Variants in VEPH1 observed in about 807,000 individuals in gnomAD.
VEPH1 encodes ventricular zone expressed PH domain containing 1.
VEPH1 carries 80 observed loss-of-function variants against 85.2 expected under a neutral mutation model. That is an observed-to-expected ratio of 0.94 (90% CI 0.78 to 1.13). The LOEUF is 1.13. VEPH1 is among the 50% of genes most tolerant of loss of function. The pLI, the probability that VEPH1 is intolerant of heterozygous loss-of-function variation, is 0.00. For synonymous variants in VEPH1, 297 were observed against 348.0 expected (o/e 0.85, Z 1.63); for missense variants, 955 against 980.5 (o/e 0.97, Z 0.35).
At chr3:157,461,372 C>T (rs191278656) in intron 3 of VEPH1, among the ~76,000 whole-genome samples, 7 of 152,094 alleles carry the variant, frequency 4.6e-5, no homozygotes, top group Non-Finnish European at 1.0e-4. Context: ...GAAAAAAAAA[C>T]TGTGCAGTGC....
At chr3:157,261,868 A>G (rs1712950157) in intron 13 of VEPH1, among the ~76,000 whole-genome samples, 1 of 152,202 alleles carries the variant, frequency 6.6e-6, no homozygotes, top group Non-Finnish European at 1.5e-5. Flanking sequence ...CTTTGTCTAC[A>G]AACAGTAAGA....
chr3:157,474,208 T>C (rs1737231704), intron 2 of VEPH1, among the ~76,000 whole-genome samples: 1 of 152,168 alleles, frequency 6.6e-6, no homozygotes, highest in African/African-American at 2.4e-5. Flanking sequence ...AATGTGTCTA[T>C]CTGCTTTTAC....
intron 10 of VEPH1, chr3:157,315,755 A>G (rs1035677577): frequency 6.6e-6 from 1 of 152,054 alleles, no homozygotes; most frequent in Non-Finnish European, 1.5e-5. Context: ...GACAAAATCA[A>G]TAAAATAATA....
intron 9 of VEPH1, among the ~76,000 whole-genome samples, chr3:157,358,714 ATAAT>A (rs1487722327): frequency 6.6e-6 from 1 of 152,172 alleles, no homozygotes; most frequent in Non-Finnish European, 1.5e-5. Context: ...ATTGATATTA[ATAAT>A]TAATCTCATT....
At chr3:157,478,190 T>C (rs550488492) in intron 2 of VEPH1, among the ~76,000 whole-genome samples, 21 of 152,178 alleles carry the variant, frequency 1.4e-4, no homozygotes, top group Non-Finnish European at 2.5e-4. Flanking sequence ...CATGGAGATA[T>C]GAAGGCCTGG....
intron 4 of VEPH1, chr3:157,437,625 G>T (rs1420599191): frequency 1.3e-6 from 2 of 1,557,932 alleles, no homozygotes; most frequent in Non-Finnish European, 8.7e-7. Context: ...ACGACGTCCT[G>T]CGGGGCGAGC....
intron 5 of VEPH1, among the ~76,000 whole-genome samples, chr3:157,427,160 G>C (rs555278571): frequency 6.6e-6 from 1 of 151,830 alleles, no homozygotes; most frequent in African/African-American, 2.4e-5. Context: ...GCTAGCTTTT[G>C]TATTTTTAGT....
intron 9 of VEPH1, among the ~76,000 whole-genome samples, chr3:157,334,064 A>C (rs1225732608): frequency 6.6e-6 from 1 of 152,160 alleles, no homozygotes; most frequent in Admixed American, 6.5e-5. Context: ...ACCTCCACAT[A>C]GTGTATATCA....
At position 157,459,554 on chromosome 3, in the gene VEPH1, T is replaced by C; in HGVS notation, c.529+627A>G. The stretch of plus-strand genomic sequence containing the variant: ...TTAATATCATGTATTGTTCTCTGAC[T>C]TCAAGTTCAAAAACATGTTTTTTGA... On this transcript the variant is annotated intron_variant, in intron 4 of 13. Coordinates refer to ENST00000362010, the MANE Select transcript of VEPH1 (RefSeq NM_001167912.2). 3 of 1,063,518 alleles carry C rather than the reference T, an allele frequency of 2.8e-6. No homozygotes were observed. The South Asian group carries it at 8.0e-5, about 28-fold the overall frequency. The allele number at this position is 1,063,518 out of a possible 1,614,324, so 65.9% of individuals were successfully genotyped here. A position where few individuals can be genotyped will look rare whatever the true frequency, so the allele number is the denominator to read the frequency against.
At chr3:157,306,647 A>AAG (rs1719542790) in intron 11 of VEPH1, among the ~76,000 whole-genome samples, 1 of 152,078 alleles carries the variant, frequency 6.6e-6, no homozygotes, top group African/African-American at 2.4e-5. Context: ...GCACATATGT[A>AAG]AGAGTTCATC....
At position 157,318,434 on chromosome 3, in the gene VEPH1, C is replaced by T. The variant is rs1032846359; in HGVS notation, c.1736-1233G>A. On this transcript the variant is annotated intron_variant, in intron 9 of 13. Coordinates refer to ENST00000362010, the MANE Select transcript of VEPH1 (RefSeq NM_001167912.2). ...ACCAGCCCGGACAACATGGTGAAAC[C>T]CCTTCTCTACAAAAAATACAAAAAT... 4.6e-5 allele frequency among the ~76,000 whole-genome samples: 7 copies of T among 151,872 alleles called. No homozygotes were observed. In the South Asian group the frequency reaches 1.5e-3, roughly 32 times the overall value.
rs75175345 is a variant in VEPH1, at chr3:157,265,586, C to T, written c.2205G>A (p.Arg735=). 0.013 allele frequency: 21,419 copies of T among 1,613,492 alleles called. 181 individuals are homozygous for T. The highest frequency in any genetic ancestry group is 0.021 in the Middle Eastern group (125 of 6,058). The change falls in exon 13 of 14, where the codon AGG becomes AGA. Residue 735 remains arginine, a synonymous_variant. Coordinates refer to ENST00000362010, the MANE Select transcript of VEPH1 (RefSeq NM_001167912.2). The part of the protein sequence containing the change: ...EKQVRWKFIK[R]WKTRYFTLAG... The stretch of plus-strand genomic sequence containing the variant: ...CCAGTGTAAAATAGCGTGTTTTCCA[C>T]CTTTTGATGAACTTCCATCTGACTT...
intron 9 of VEPH1, among the ~76,000 whole-genome samples, chr3:157,327,990 T>G (rs894850824): frequency 6.6e-6 from 1 of 152,150 alleles, no homozygotes; most frequent in Non-Finnish European, 1.5e-5. Context: ...GAACACAGAT[T>G]CTGGAGCGAG....
chr3:157,295,634 C>A (rs1177850411), intron 11 of VEPH1, among the ~76,000 whole-genome samples: 1 of 110,390 alleles, frequency 9.1e-6, no homozygotes, highest in Non-Finnish European at 1.9e-5. Context: ...AAAGTTGAAC[C>A]ACCCCTCAGT....
chr3:157,485,442 T>C (rs1196094553), intron 2 of VEPH1, among the ~76,000 whole-genome samples: 1 of 152,160 alleles, frequency 6.6e-6, no homozygotes, highest in Non-Finnish European at 1.5e-5. Flanking sequence ...TATCTTAGAA[T>C]TGATGAAATA....
chr3:157,309,609 CTA>C (rs1719869378), intron 11 of VEPH1, among the ~76,000 whole-genome samples: 1 of 151,856 alleles, frequency 6.6e-6, no homozygotes, highest in African/African-American at 2.4e-5. Context: ...AAAATTTGAA[CTA>C]TTGAATTCAT....
At chr3:157,350,892 G>A (rs2108708392) in intron 9 of VEPH1, among the ~76,000 whole-genome samples, 1 of 152,306 alleles carries the variant, frequency 6.6e-6, no homozygotes, top group East Asian at 1.9e-4. Flanking sequence ...TGAGGATGCA[G>A]AGAAAAGAGT....
At chr3:157,488,522 T>TA (rs57820576) in intron 2 of VEPH1, among the ~76,000 whole-genome samples, 13 of 150,848 alleles carry the variant, frequency 8.6e-5, no homozygotes, top group East Asian at 5.9e-4. Flanking sequence ...TTTTTTTTTT[T>TA]ACTGGATATT....
In VEPH1 at chr3:157,498,495, A is replaced by T. The variant is rs574475445; in HGVS notation, c.-157-2989T>A. Among the ~76,000 whole-genome samples the T allele has an allele frequency of 2.6e-5, 4 of 152,304 alleles. No homozygotes were observed. In the South Asian group the frequency reaches 8.3e-4, roughly 32 times the overall value. Reference sequence around the variant, plus strand: ...GACAATTCCATGCAATCAAAAACTGATGTTTAGAGAGGAAAGTAACCACCA... The same window carrying T: ...GACAATTCCATGCAATCAAAAACTGTTGTTTAGAGAGGAAAGTAACCACCA... On this transcript the variant is annotated intron_variant, in intron 1 of 13. Coordinates refer to ENST00000362010, the MANE Select transcript of VEPH1 (RefSeq NM_001167912.2).
Sources: gnomAD v4.1 joint callset for allele counts (sites outside exome capture counted in the v4.1 genomes callset) on GRCh38, gnomAD v4.1.1 for gene constraint, MANE v1.5 for transcripts, NCBI Gene and HGNC (gene_info 2026-07-23, HGNC 2026-07-21) for gene names.